The following B4GALT1 variants were observed in gnomAD, a reference collection of about 807,000 sequenced individuals.
B4GALT1 encodes the protein beta-1,4-galactosyltransferase 1.
In B4GALT1, 16 loss-of-function variants were observed where a neutral mutation model predicts 34.9. The observed-to-expected ratio is 0.46, with a 90% CI of 0.31 to 0.70. The LOEUF is 0.70. B4GALT1 is among the 30% of genes least tolerant of loss of function. B4GALT1 has a pLI of 0.05. For missense variants in B4GALT1, 445 were observed against 530.5 expected, an observed-to-expected ratio of 0.84 and a Z score of 1.58; for synonymous variants, 221 against 218.1, an observed-to-expected ratio of 1.01 and a Z score of -0.12.
the B4GALT1 span, among the ~76,000 whole-genome samples, chr9:33,181,452 AC>A: frequency 2.1e-4 from 31 of 151,204 alleles, no homozygotes; most frequent in Admixed American, 1.4e-3. Context: ...ACACACACAC[AC>A]ACACACAAAC....
intron 1 of B4GALT1, among the ~76,000 whole-genome samples, chr9:33,161,045 C>CTT (rs1257212639): frequency 6.6e-6 from 1 of 151,918 alleles, no homozygotes; most frequent in Non-Finnish European, 1.5e-5. Context: ...CTCTCTCTCT[C>CTT]TGCCTGGGCT....
intron 3 of B4GALT1, among the ~76,000 whole-genome samples, chr9:33,117,458 A>G (rs993353992): frequency 6.6e-6 from 1 of 152,178 alleles, no homozygotes; most frequent in Non-Finnish European, 1.5e-5. Context: ...AAATGTCAAG[A>G]ATCAGGACGT....
chr9:33,108,897 CTAATATTTATG>C (rs1839824488), downstream of B4GALT1: 4 of 34,638 alleles, frequency 1.2e-4, no homozygotes, highest in Admixed American at 2.2e-3. Flanking sequence ...ATTTTTTGTT[CTAATATTTATG>C]CTAGGAGAAT....
the B4GALT1 span, chr9:33,177,324 G>C: frequency 6.6e-6 from 1 of 152,140 alleles, no homozygotes; most frequent in Non-Finnish European, 1.5e-5. Context: ...GACTCCGCAA[G>C]CTTCCTTATT....
intron 3 of B4GALT1, among the ~76,000 whole-genome samples, chr9:33,119,984 G>T (rs1296853325): frequency 6.6e-6 from 1 of 152,094 alleles, no homozygotes; most frequent in Non-Finnish European, 1.5e-5. Flanking sequence ...AGGAGTTCGA[G>T]ACCAGACTGG....
intron 2 of B4GALT1, among the ~76,000 whole-genome samples, chr9:33,105,209 G>C (rs779922078): frequency 4.0e-5 from 6 of 151,104 alleles, no homozygotes; most frequent in Non-Finnish European, 7.4e-5. Flanking sequence ...GCCCAATCTC[G>C]GCTCACCACA....
At chr9:33,154,836 A>G (rs150966767) in intron 1 of B4GALT1, among the ~76,000 whole-genome samples, 24 of 151,808 alleles carry the variant, frequency 1.6e-4, no homozygotes, top group African/African-American at 4.8e-4. Context: ...TAAAATATTG[A>G]GTTTTTTTTT....
chr9:33,174,977 AAAAAAAAAAAAAAATAT>A, the B4GALT1 span, among the ~76,000 whole-genome samples: 1 of 42,014 alleles, frequency 2.4e-5, no homozygotes, highest in African/African-American at 7.6e-5. Flanking sequence ...AAAAAAAAAA[AAAAAAAAAAAAAAATAT>A]ATATATATAT....
At chr9:33,158,891 C>T (rs1277555277) in intron 1 of B4GALT1, among the ~76,000 whole-genome samples, 4 of 152,192 alleles carry the variant, frequency 2.6e-5, no homozygotes, top group Non-Finnish European at 5.9e-5. Flanking sequence ...TAAAAGTTTG[C>T]TGAATGAGGA....
In B4GALT1 at chr9:33,153,553, G is replaced by A. The variant is rs536554809; in HGVS notation, c.412+13205C>T. Among the ~76,000 whole-genome samples, 5 of 152,106 alleles carry A rather than the reference G, an allele frequency of 3.3e-5. No homozygotes were observed. The South Asian group carries it at 6.2e-4, about 19-fold the overall frequency. ...GGACTATCCCTACACCAACTTTAACGGAAATAAAAAGGATCATAAGGAATC... is the reference window on the plus strand; with the variant it reads ...GGACTATCCCTACACCAACTTTAACAGAAATAAAAAGGATCATAAGGAATC... On this transcript the variant is annotated intron_variant, in intron 1 of 5. Coordinates refer to ENST00000379731, the MANE Select transcript of B4GALT1 (RefSeq NM_001497.4).
rs1375898326 is a variant in B4GALT1 at position 33,112,468 on chromosome 9, C to A, written c.*986G>T. 6.5e-6 allele frequency: 1 copy of A among 152,768 alleles called. No individual in the cohort carries two copies. Among genetic ancestry groups the A allele is most frequent in the East Asian group, 1.9e-4 (1 of 5,184 alleles). 9.5% of individuals were successfully genotyped at this position (152,768 alleles called of 1,614,324 possible). A position where few individuals can be genotyped will look rare whatever the true frequency, so the allele number is the denominator to read the frequency against. ...CAAGGGGCCAGAGGGTGATTTTGCT[C>A]TTGAGAAAACCTGGCCTGCCAGCTA... On this transcript the variant is annotated 3_prime_UTR_variant, in exon 6 of 6. Transcript: ENST00000379731.
At chr9:33,119,601 A>G (rs947206424) in intron 3 of B4GALT1, among the ~76,000 whole-genome samples, 1 of 152,196 alleles carries the variant, frequency 6.6e-6, no homozygotes, top group Non-Finnish European at 1.5e-5. Flanking sequence ...CTGTAGTCCC[A>G]ACTACTCAGG....
intron 1 of B4GALT1, among the ~76,000 whole-genome samples, chr9:33,137,860 A>T (rs766072790): frequency 6.6e-6 from 1 of 152,172 alleles, no homozygotes; most frequent in South Asian, 2.1e-4. Context: ...GGGCTGCCCA[A>T]CACCCAACCC....
downstream of B4GALT1, among the ~76,000 whole-genome samples, chr9:33,109,015 C>T (rs984324405): frequency 2.6e-5 from 4 of 152,152 alleles, no homozygotes; most frequent in East Asian, 5.8e-4. Flanking sequence ...TGGAATTTCC[C>T]GGGTGATAGG....
chr9:33,104,977 GC>G (rs1442873809), intron 2 of B4GALT1, among the ~76,000 whole-genome samples: 1 of 151,704 alleles, frequency 6.6e-6, no homozygotes, highest in Non-Finnish European at 1.5e-5. Flanking sequence ...GTGCCACCAC[GC>G]CCAGCTAATT....
chr9:33,156,099 C>A (rs532794923), intron 1 of B4GALT1, among the ~76,000 whole-genome samples: 2 of 151,768 alleles, frequency 1.3e-5, no homozygotes, highest in Non-Finnish European at 2.9e-5. Context: ...ATTGAATATG[C>A]CCCATCTGCT....
downstream of B4GALT1, among the ~76,000 whole-genome samples, chr9:33,109,388 A>G (rs1056071388): frequency 2.0e-5 from 3 of 152,198 alleles, no homozygotes; most frequent in Non-Finnish European, 4.4e-5. Context: ...CCTTTCTAAT[A>G]TCACTTATAA....
chr9:33,145,636 C>T (rs1462275886), intron 1 of B4GALT1, among the ~76,000 whole-genome samples: 3 of 133,118 alleles, frequency 2.3e-5, no homozygotes, highest in Non-Finnish European at 4.8e-5. Context: ...AAACTGAAGG[C>T]CATACAGGAA....
upstream of B4GALT1, among the ~76,000 whole-genome samples, chr9:33,170,872 C>T (rs982994077): frequency 6.6e-6 from 1 of 152,194 alleles, no homozygotes; most frequent in Non-Finnish European, 1.5e-5. Flanking sequence ...AAATTAATCC[C>T]ATCCGGCGAG....
Sources: gnomAD v4.1 joint callset for allele counts (sites outside exome capture counted in the v4.1 genomes callset) on GRCh38, gnomAD v4.1.1 for gene constraint, MANE v1.5 for transcripts, NCBI Gene and HGNC (gene_info 2026-07-23, HGNC 2026-07-21) for gene names.